DIPK1C: variants seen among roughly 807,000 people sequenced by gnomAD.
The protein encoded by DIPK1C is divergent protein kinase domain 1C.
DIPK1C carries 33 observed loss-of-function variants against 28.0 expected under a neutral mutation model. The ratio of observed to expected loss-of-function variants is 1.18; its 90% confidence interval spans 0.89 to 1.58. The LOEUF (loss-of-function observed/expected upper bound fraction) is 1.58, where lower values mean the gene tolerates loss of function less well. Among genes scored for constraint, DIPK1C ranks in the 40% most tolerant of loss-of-function variants. DIPK1C has a pLI of 0.00. For synonymous variants in DIPK1C, 255 were observed against 248.8 expected, an observed-to-expected ratio of 1.02 and a Z score of -0.23; for missense variants, 569 against 568.5, an observed-to-expected ratio of 1.00 and a Z score of -0.01.
chr18:74,445,316 A>T (rs1158427164), intron 2 of DIPK1C, among the ~76,000 whole-genome samples: 1 of 152,176 alleles, frequency 6.6e-6, no homozygotes, highest in Admixed American at 6.5e-5. Flanking sequence ...CTGCCAGCCC[A>T]GCACACAGAC....
chr18:74,454,504 G>C (rs1172639655), intron 1 of DIPK1C, among the ~76,000 whole-genome samples: 3 of 152,246 alleles, frequency 2.0e-5, no homozygotes, highest in Admixed American at 6.5e-5. Flanking sequence ...CTCCCTGGGC[G>C]CTGCCAGAAA....
chr18:74,443,102 G>A (rs1986181320), intron 2 of DIPK1C, among the ~76,000 whole-genome samples: 3 of 152,160 alleles, frequency 2.0e-5, no homozygotes, highest in Non-Finnish European at 2.9e-5. Context: ...GAACAGGAGC[G>A]ACGCCTGAGT....
Position 74,457,086 on chromosome 18 carries a change from C to T in DIPK1C, c.174G>A (p.Lys58=), listed in dbSNP as rs1396122445. The T allele has an allele frequency of 1.5e-5, 22 of 1,469,024 alleles. No homozygotes were observed. The highest frequency in any genetic ancestry group is 1.6e-5 in the Non-Finnish European group (18 of 1,118,790). 91.0% of individuals were successfully genotyped at this position (1,469,024 alleles called of 1,614,324 possible). Residue 58 remains lysine, a synonymous_variant, in exon 1 of 4, where the codon AAG becomes AAA. Transcript: ENST00000343998. ...GVLSERCTDE[K]SRRILAALCQ... is the part of the protein sequence containing the mutation. ...CCAGCGCGGCCAGGATGCGCCGGCT[C>T]TTCTCGTCGGTGCAGCGCTCGGAGA... is the stretch of plus-strand genomic sequence containing the variant.
upstream of DIPK1C, among the ~76,000 whole-genome samples, chr18:74,460,622 C>A (rs7235253): frequency 0.8 from 122,508 of 152,212 alleles, 49,693 homozygotes; most frequent in East Asian, 0.99. Flanking sequence ...TGGCCTCCGC[C>A]GCTCTGGTCT....
intron 2 of DIPK1C, among the ~76,000 whole-genome samples, chr18:74,445,662 A>ACCAG (rs1193752463): frequency 1.3e-5 from 2 of 149,138 alleles, no homozygotes; most frequent in African/African-American, 5.2e-5. Context: ...CTCCACAGTG[A>ACCAG]CCAGCATGCC....
intron 1 of DIPK1C, among the ~76,000 whole-genome samples, chr18:74,453,692 CG>C (rs1216098484): frequency 6.6e-6 from 1 of 152,116 alleles, no homozygotes; most frequent in Non-Finnish European, 1.5e-5. Context: ...GTTAAGTATA[CG>C]AGTTGTTATG....
intron 1 of DIPK1C, among the ~76,000 whole-genome samples, chr18:74,450,218 A>T (rs1398545519): frequency 1.3e-5 from 2 of 152,184 alleles, no homozygotes; most frequent in Non-Finnish European, 2.9e-5. Context: ...TGCAAAAAAA[A>T]TTGTTTCCTG....
chr18:74,457,896 GAATCAA>G (rs550337972), upstream of DIPK1C: 1 of 152,580 alleles, frequency 6.6e-6, no homozygotes, highest in South Asian at 2.1e-4. Flanking sequence ...GGGCACCCCT[GAATCAA>G]ACCCCCCGCC....
At chr18:74,444,203 A>G (rs559912618) in intron 2 of DIPK1C, among the ~76,000 whole-genome samples, 1 of 152,296 alleles carries the variant, frequency 6.6e-6, no homozygotes, top group African/African-American at 2.4e-5. Context: ...TTCTTCACCA[A>G]AAACTGTGGC....
At chr18:74,453,588 A>G (rs1986444171) in intron 1 of DIPK1C, among the ~76,000 whole-genome samples, 1 of 152,254 alleles carries the variant, frequency 6.6e-6, no homozygotes, top group Admixed American at 6.5e-5. Context: ...AATTCCATCA[A>G]GACCTAACTA....
At chr18:74,441,353 G>A (rs1986119486) in intron 3 of DIPK1C, among the ~76,000 whole-genome samples, 1 of 152,172 alleles carries the variant, frequency 6.6e-6, no homozygotes, top group South Asian at 2.1e-4. Context: ...AGAGCCTCAA[G>A]TGAGGGCAGA....
At chr18:74,455,870 G>A (rs141943915) in intron 1 of DIPK1C, among the ~76,000 whole-genome samples, 296 of 152,200 alleles carry the variant, frequency 1.9e-3, no homozygotes, top group Non-Finnish European at 3.2e-3. Context: ...GATGACACGC[G>A]TCAGAATCAA....
chr18:74,451,067 C>A (rs146850023), intron 1 of DIPK1C, among the ~76,000 whole-genome samples: 6 of 152,144 alleles, frequency 3.9e-5, no homozygotes, highest in Admixed American at 3.9e-4. Context: ...GGTGGGGGGC[C>A]GGGGCATCTT....
At chr18:74,464,055 A>G in the DIPK1C span, among the ~76,000 whole-genome samples, 2 of 152,190 alleles carry the variant, frequency 1.3e-5, no homozygotes, top group Non-Finnish European at 2.9e-5. Context: ...AAGAAGCCAT[A>G]GAGTCACATC....
chr18:74,455,424 G>A (rs564611317), intron 1 of DIPK1C, among the ~76,000 whole-genome samples: 26 of 152,178 alleles, frequency 1.7e-4, no homozygotes, highest in African/African-American at 6.0e-4. Flanking sequence ...GAAAACCAGG[G>A]GGGAAAAATT....
upstream of DIPK1C, among the ~76,000 whole-genome samples, chr18:74,461,281 A>C (rs1316354957): frequency 6.6e-6 from 1 of 151,816 alleles, no homozygotes; most frequent in Non-Finnish European, 1.5e-5. Context: ...GAGAGGTTAC[A>C]TATTCTTGAA....
Position 74,457,113 on chromosome 18 carries a change from G to T in DIPK1C, c.147C>A (p.Val49=). Residue 49 remains valine (V), a synonymous_variant, in exon 1 of 4, where the codon GTC becomes GTA. Coordinates refer to ENST00000343998, the MANE Select transcript of DIPK1C (RefSeq NM_001044369.3). ...AALLLRAHPG[V]LSERCTDEKS... is the part of the protein sequence containing the mutation. ...TCTCGTCGGTGCAGCGCTCGGAGAG[G>T]ACACCCGGGTGCGCGCGGAGCAGCA... The T allele has an allele frequency of 2.0e-6, 3 of 1,466,128 alleles. No homozygotes were observed. The highest frequency in any genetic ancestry group is 2.7e-6 in the Non-Finnish European group (3 of 1,117,392). 90.8% of individuals were successfully genotyped at this position (1,466,128 alleles called of 1,614,324 possible). A position where few individuals can be genotyped will look rare whatever the true frequency, so the allele number is the denominator to read the frequency against.
chr18:74,436,069 A>C lies in DIPK1C; in HGVS notation c.*432T>G. On this transcript the variant is annotated 3_prime_UTR_variant, in exon 4 of 4. Transcript: ENST00000343998. ...TGCAGACACTCATGGGCACACTCAC[A>C]CATGCTCACATGCTCATTTGCACCC... is the stretch of plus-strand genomic sequence containing the variant. 1 of 211,896 alleles carries C rather than the reference A, an allele frequency of 4.7e-6. No individual in the cohort carries two copies. The highest frequency in any genetic ancestry group is 9.6e-6 in the Non-Finnish European group (1 of 104,322). 13.1% of individuals were successfully genotyped at this position (211,896 alleles called of 1,614,324 possible).
Position 74,446,705 on chromosome 18 carries a change from G to C in DIPK1C, c.777C>G (p.Ser259Arg). The change falls in exon 2 of 4, where the codon AGC becomes AGG. Residue 259 changes from serine (S) to arginine (R), a missense_variant. Transcript: ENST00000343998. ...QAKAISDIAL[S>R]FLDMVNHFDS... ...CAAAATGGTTCACCATGTCCAAGAA[G>C]CTGAGTGCGATGTCACTGATGGCCT... 1 of 1,541,982 alleles carries C rather than the reference G, an allele frequency of 6.5e-7. No homozygotes were observed. Among genetic ancestry groups the C allele is most frequent in the Non-Finnish European group, 8.8e-7 (1 of 1,142,162 alleles).
Sources: allele counts gnomAD v4.1 joint callset (sites outside exome capture counted in the v4.1 genomes callset), GRCh38; gene constraint gnomAD v4.1.1; transcripts MANE v1.5; gene names NCBI Gene and HGNC (gene_info 2026-07-23, HGNC 2026-07-21).